The following ERLEC1 variants were observed in gnomAD, a reference collection of about 807,000 sequenced individuals.
The protein encoded by ERLEC1 is ER lectin.
A neutral mutation model predicts 68.0 loss-of-function variants in ERLEC1; 47 were observed. That is an observed-to-expected ratio of 0.69 (90% CI 0.55 to 0.88). The LOEUF is 0.88. ERLEC1 is among the 40% of genes least tolerant of loss of function. ERLEC1 has a pLI of 0.00. For missense variants in ERLEC1, 567 were observed against 583.8 expected, an observed-to-expected ratio of 0.97 and a Z score of 0.30; for synonymous variants, 225 against 203.2, an observed-to-expected ratio of 1.11 and a Z score of -0.91.
At chr2:53,809,635 A>G (rs530017174) in intron 10 of ERLEC1, among the ~76,000 whole-genome samples, 260 of 152,296 alleles carry the variant, frequency 1.7e-3, no homozygotes, top group Non-Finnish European at 3.2e-3. Flanking sequence ...CTGGAATCCT[A>G]GCTACTCAGG....
At chr2:53,799,302 C>T (rs1460015821) in intron 6 of ERLEC1, among the ~76,000 whole-genome samples, 1 of 152,130 alleles carries the variant, frequency 6.6e-6, no homozygotes, top group African/African-American at 2.4e-5. Context: ...AAAAATAAAT[C>T]TATCACTGAT....
chr2:53,806,801 ATCAT>A (rs1441051464), intron 8 of ERLEC1, among the ~76,000 whole-genome samples: 5 of 152,306 alleles, frequency 3.3e-5, no homozygotes, highest in East Asian at 1.9e-4. Context: ...ATTTTTATAA[ATCAT>A]TCATTCATTT....
intron 1 of ERLEC1, among the ~76,000 whole-genome samples, chr2:53,788,396 G>A (rs556743084): frequency 3.3e-5 from 5 of 151,938 alleles, no homozygotes; most frequent in Admixed American, 6.6e-5. Flanking sequence ...TTTGGTTTGG[G>A]TTTTTCTGTT....
At chr2:53,798,702 G>C (rs1186210798) in intron 5 of ERLEC1, among the ~76,000 whole-genome samples, 1 of 151,314 alleles carries the variant, frequency 6.6e-6, no homozygotes. Flanking sequence ...ATTATATGTA[G>C]AAATAGATAT....
chr2:53,814,951 A>G lies in ERLEC1; in HGVS notation c.1380+16A>G. 2 of 1,460,300 alleles carry G rather than the reference A, an allele frequency of 1.4e-6. No individual in the cohort carries two copies. Among genetic ancestry groups the G allele is most frequent in the South Asian group, 2.5e-5 (2 of 79,932 alleles). 90.5% of individuals were successfully genotyped at this position (1,460,300 alleles called of 1,614,324 possible). A position where few individuals can be genotyped will look rare whatever the true frequency, so the allele number is the denominator to read the frequency against. The stretch of plus-strand genomic sequence containing the variant: ...TATTCTTGGGGTAAGTTAAAAAGAA[A>G]ATAATCAAAAATTCCATTTTGAGCC... On this transcript the variant is annotated intron_variant, in intron 13 of 13. Transcript: ENST00000185150.
At chr2:53,813,373 T>C (rs143448552) in intron 11 of ERLEC1, among the ~76,000 whole-genome samples, 1 of 152,268 alleles carries the variant, frequency 6.6e-6, no homozygotes, top group Non-Finnish European at 1.5e-5. Context: ...CCTCATATGA[T>C]TATTGTGTCA....
chr2:53,792,079 AT>A (rs984059160), intron 1 of ERLEC1, among the ~76,000 whole-genome samples: 18 of 151,364 alleles, frequency 1.2e-4, no homozygotes, highest in Admixed American at 9.9e-4. Flanking sequence ...GGCCGGCTAA[AT>A]TTTTTTTGTA....
chr2:53,813,127 C>A, intron 11 of ERLEC1, 54 bp downstream of exon 11: 3 of 1,564,036 alleles, frequency 1.9e-6, no homozygotes, highest in East Asian at 2.3e-5. Context: ...TTCTAAAACT[C>A]AAAATATTGA....
At chr2:53,795,901 A>C in intron 2 of ERLEC1, 32 bp from the exon 3 acceptor site, 1 of 1,422,378 alleles carries the variant, frequency 7.0e-7, no homozygotes, top group Non-Finnish European at 9.8e-7. Context: ...TTCTAGAAAA[A>C]CTGTAAGTAT....
chr2:53,801,605 G>A lies in ERLEC1; in HGVS notation c.734G>A (p.Ser245Asn). The A allele has an allele frequency of 6.2e-7, 1 of 1,613,802 alleles. No individual in the cohort carries two copies. The highest frequency in any genetic ancestry group is 8.5e-7 in the Non-Finnish European group (1 of 1,179,768). Reference sequence around the variant, plus strand: ...GTCATTTTGACACCACTCTTGTGCAGTCATCCTAAATATAGGTAGGATGTG... The same window carrying A: ...GTCATTTTGACACCACTCTTGTGCAATCATCCTAAATATAGGTAGGATGTG... Reference protein sequence around the residue: ...EVVILTPLLCSHPKYRFRASP... With the variant: ...EVVILTPLLCNHPKYRFRASP... Residue 245 changes from serine to asparagine, a missense_variant, in exon 7 of 14, where the codon AGT (serine) becomes AAT (asparagine). Physicochemically the swap from Ser to Asn is conservative, Grantham distance 46 (BLOSUM62 1). Coordinates refer to ENST00000185150, the MANE Select transcript of ERLEC1 (RefSeq NM_015701.5).
intron 1 of ERLEC1, among the ~76,000 whole-genome samples, chr2:53,791,359 A>C (rs1675382931): frequency 6.6e-6 from 1 of 152,240 alleles, no homozygotes; most frequent in African/African-American, 2.4e-5. Context: ...TCCACTGAAA[A>C]TACCTTGTTA....
rs78514245 is a variant in ERLEC1 at position 53,801,286 on chromosome 2, T to A, written c.526-111T>A. The A allele has an allele frequency of 2.1e-3, 1,402 of 671,854 alleles. 32 individuals carry two copies. The East Asian group carries it at 0.036, about 17-fold the overall frequency. The allele number at this position is 671,854 out of a possible 1,614,324, so 41.6% of individuals were successfully genotyped here. On this transcript the variant is annotated intron_variant, in intron 6 of 13. Coordinates refer to ENST00000185150, the MANE Select transcript of ERLEC1 (RefSeq NM_015701.5). ...AAAATATAGAAGTGTTACCTTTCAG[T>A]TAATTAGTAAAATGTAGTTTTCTTC...
Position 53,813,073 on chromosome 2 carries a change from G to C in ERLEC1, c.1226G>C (p.Arg409Thr), listed in dbSNP as rs757612655. 1 of 1,605,292 alleles carries C rather than the reference G, an allele frequency of 6.2e-7. No homozygotes were observed. The highest frequency in any genetic ancestry group is 2.2e-5 in the East Asian group (1 of 44,552). The change falls in exon 11 of 14, where the codon AGG (arginine) becomes ACG (threonine). Residue 409 changes from arginine (R) to threonine (T), a missense_variant and splice_region_variant. Coordinates refer to ENST00000185150, the MANE Select transcript of ERLEC1 (RefSeq NM_015701.5). ...CAAGACGATGGTACCCAGACAGTCA[G>C]GTAAAGATTCACTTTACTTGCCTTT... ...HLQDDGTQTV[R>T]MVSHFYGNGD... is the part of the protein sequence containing the mutation.
chr2:53,810,050 C>A (rs1342158689), intron 10 of ERLEC1, among the ~76,000 whole-genome samples: 1 of 151,952 alleles, frequency 6.6e-6, no homozygotes. Flanking sequence ...GACTCTGTCT[C>A]AAAAAAGCGA....
At chr2:53,800,188 AT>A (rs1023224092) in intron 6 of ERLEC1, among the ~76,000 whole-genome samples, 7 of 152,110 alleles carry the variant, frequency 4.6e-5, no homozygotes, top group South Asian at 4.1e-4. Context: ...TGGTATGTGT[AT>A]TTTTATTTAT....
In ERLEC1 at chr2:53,795,900, A is replaced by G. The variant is rs913309423; in HGVS notation, c.268-33A>G. 2.8e-6 allele frequency: 4 copies of G among 1,416,460 alleles called. No homozygotes were observed. In the African/African-American group the frequency reaches 5.8e-5, roughly 20 times the overall value. The allele number at this position is 1,416,460 out of a possible 1,614,324, so 87.7% of individuals were successfully genotyped here. On this transcript the variant is annotated intron_variant, in intron 2 of 13. Coordinates refer to ENST00000185150, the MANE Select transcript of ERLEC1 (RefSeq NM_015701.5). ...GCAAAGTTGGGTGAAATTCTAGAAA[A>G]ACTGTAAGTATTAAACTCCAATTCT...
intron 5 of ERLEC1, among the ~76,000 whole-genome samples, chr2:53,798,038 T>C (rs1185766204): frequency 6.6e-6 from 1 of 152,006 alleles, no homozygotes; most frequent in East Asian, 1.9e-4. Flanking sequence ...CTATTAAAAA[T>C]ACAAAAATTA....
intron 10 of ERLEC1, among the ~76,000 whole-genome samples, chr2:53,810,679 A>C (rs966238855): frequency 8.4e-4 from 128 of 152,352 alleles, no homozygotes; most frequent in African/African-American, 3.0e-3. Context: ...TCATACTGGG[A>C]CAGACTGTCA....
At position 53,797,809 on chromosome 2, in the gene ERLEC1, C is replaced by T. The variant is rs749572437; in HGVS notation, c.490+14C>T. The T allele has an allele frequency of 6.2e-7, 1 of 1,605,268 alleles. No individual in the cohort carries two copies. ...TATTTGAAAAAGGTTGGTGTCTACC[C>T]AGTGATTTGACAGTAATGCTGGAAT... is the stretch of plus-strand genomic sequence containing the variant. On this transcript the variant is annotated intron_variant, in intron 5 of 13. Transcript: ENST00000185150.
Sources: allele counts gnomAD v4.1 joint callset (sites outside exome capture counted in the v4.1 genomes callset), GRCh38; gene constraint gnomAD v4.1.1; transcripts MANE v1.5; gene names NCBI Gene and HGNC (gene_info 2026-07-23, HGNC 2026-07-21).